SLC24A2: variants seen among roughly 807,000 people sequenced by gnomAD.
SLC24A2 encodes the protein sodium/potassium/calcium exchanger 2.
Under a neutral mutation model 62.0 loss-of-function variants are expected in SLC24A2, and 36 were observed. The ratio of observed to expected loss-of-function variants is 0.58; its 90% CI spans 0.44 to 0.77. The LOEUF is 0.77. Ranked by LOEUF, SLC24A2 falls within the 30% of genes least tolerant of loss-of-function variation. The pLI is 0.00. For synonymous variants in SLC24A2, 358 were observed against 294.0 expected (o/e 1.22, Z -2.23); for missense variants, 846 against 817.9 (o/e 1.03, Z -0.42).
chr9:19,953,864 A>C, the SLC24A2 span, among the ~76,000 whole-genome samples: 2 of 152,040 alleles, frequency 1.3e-5, no homozygotes, highest in Admixed American at 6.6e-5. Flanking sequence ...TATCAAAGAT[A>C]TGATGTTATC....
At chr9:20,076,951 T>C in the SLC24A2 span, among the ~76,000 whole-genome samples, 1 of 148,506 alleles carries the variant, frequency 6.7e-6, no homozygotes, top group African/African-American at 2.5e-5. Flanking sequence ...TATTATATAA[T>C]GAAATATTAT....
intron 2 of SLC24A2, among the ~76,000 whole-genome samples, chr9:19,745,440 G>A (rs1306556333): frequency 6.6e-6 from 1 of 152,158 alleles, no homozygotes; most frequent in East Asian, 1.9e-4. Context: ...TCCAAGAGAA[G>A]TAATATCAGC....
At chr9:20,162,862 A>T in the SLC24A2 span, among the ~76,000 whole-genome samples, 1 of 152,168 alleles carries the variant, frequency 6.6e-6, no homozygotes, top group Non-Finnish European at 1.5e-5. Context: ...GCACATAATC[A>T]GCACCAAAGA....
At chr9:19,958,670 CTCTG>C in the SLC24A2 span, among the ~76,000 whole-genome samples, 1 of 152,180 alleles carries the variant, frequency 6.6e-6, no homozygotes, top group Admixed American at 6.5e-5. Context: ...CAAATACCTG[CTCTG>C]TCTATTTCAT....
the SLC24A2 span, among the ~76,000 whole-genome samples, chr9:20,106,763 G>A: frequency 3.9e-5 from 6 of 152,214 alleles, no homozygotes; most frequent in South Asian, 2.1e-4. Context: ...ACAAAAACTG[G>A]AAGCATTCCC....
chr9:20,014,948 A>T, the SLC24A2 span, among the ~76,000 whole-genome samples: 2 of 152,264 alleles, frequency 1.3e-5, no homozygotes, highest in African/African-American at 4.8e-5. Flanking sequence ...TGATTTAATC[A>T]TGCTACATTG....
intron 7 of SLC24A2, among the ~76,000 whole-genome samples, chr9:19,553,925 T>C (rs75803643): frequency 0.01 from 1,559 of 152,244 alleles, 23 homozygotes; most frequent in African/African-American, 0.035. Flanking sequence ...ATGGACTGAA[T>C]TGTGTTCCCT....
At chr9:20,116,470 A>G in the SLC24A2 span, among the ~76,000 whole-genome samples, 1 of 152,168 alleles carries the variant, frequency 6.6e-6, no homozygotes, top group African/African-American at 2.4e-5. Flanking sequence ...ATCATCCATC[A>G]TAACAACGGA....
the SLC24A2 span, among the ~76,000 whole-genome samples, chr9:20,017,851 TC>T: frequency 6.6e-6 from 1 of 152,220 alleles, no homozygotes; most frequent in South Asian, 2.1e-4. Context: ...CACCCAGATT[TC>T]CAGGTTGAGG....
intron 8 of SLC24A2, among the ~76,000 whole-genome samples, chr9:19,544,374 C>A (rs115868829): frequency 2.6e-5 from 4 of 151,338 alleles, no homozygotes; most frequent in Admixed American, 6.6e-5. Flanking sequence ...TGGGTCTTGA[C>A]GCTTATCCAA....
At chr9:19,711,197 C>A (rs1229838574) in intron 2 of SLC24A2, among the ~76,000 whole-genome samples, 1 of 152,092 alleles carries the variant, frequency 6.6e-6, no homozygotes, top group Non-Finnish European at 1.5e-5. Context: ...GCCTTTTTTG[C>A]TTTTATTCTT....
chr9:19,990,470 G>A, the SLC24A2 span, among the ~76,000 whole-genome samples: 5 of 151,900 alleles, frequency 3.3e-5, no homozygotes, highest in African/African-American at 1.2e-4. Context: ...AATTAGCCGG[G>A]CATGGTGGCG....
chr9:20,089,107 T>G, the SLC24A2 span, among the ~76,000 whole-genome samples: 1 of 152,132 alleles, frequency 6.6e-6, no homozygotes, highest in Non-Finnish European at 1.5e-5. Context: ...GGGATAGAGC[T>G]CCCAGTGGGA....
chr9:19,544,373 A>T (rs1275380665), intron 8 of SLC24A2, among the ~76,000 whole-genome samples: 1 of 150,556 alleles, frequency 6.6e-6, no homozygotes, highest in Non-Finnish European at 1.5e-5. Context: ...ATGGGTCTTG[A>T]CGCTTATCCA....
chr9:20,244,688 T>C, the SLC24A2 span, among the ~76,000 whole-genome samples: 10 of 152,242 alleles, frequency 6.6e-5, no homozygotes, highest in African/African-American at 2.2e-4. Context: ...TATGCATTCA[T>C]AGTTTCCTTT....
intron 2 of SLC24A2, among the ~76,000 whole-genome samples, chr9:19,694,228 T>C (rs1167611446): frequency 6.6e-6 from 1 of 152,242 alleles, no homozygotes; most frequent in East Asian, 1.9e-4. Flanking sequence ...AAAGATATCA[T>C]AATATTATCT....
the SLC24A2 span, among the ~76,000 whole-genome samples, chr9:20,263,111 T>A: frequency 6.6e-6 from 1 of 152,224 alleles, no homozygotes; most frequent in African/African-American, 2.4e-5. Flanking sequence ...TGTAGCCCAA[T>A]ACCTAACCCA....
intron 2 of SLC24A2, among the ~76,000 whole-genome samples, chr9:19,701,365 T>G (rs865839862): frequency 6.6e-6 from 1 of 152,326 alleles, no homozygotes; most frequent in Middle Eastern, 3.4e-3. Context: ...CACCTTTAGT[T>G]GAGTGCTAAG....
chr9:19,577,220 G>T (rs1034290324), intron 5 of SLC24A2, among the ~76,000 whole-genome samples, 198 bp from the exon 6 acceptor site: 1 of 152,088 alleles, frequency 6.6e-6, no homozygotes, highest in Non-Finnish European at 1.5e-5. Flanking sequence ...CTCTATTTGA[G>T]AATCTCTTCC....
Sources: gnomAD v4.1 joint callset for allele counts (sites outside exome capture counted in the v4.1 genomes callset) on GRCh38, gnomAD v4.1.1 for gene constraint, MANE v1.5 for transcripts, NCBI Gene and HGNC (gene_info 2026-07-23, HGNC 2026-07-21) for gene names.